NOP14: variants seen among roughly 807,000 people sequenced by gnomAD.
NOP14 encodes the protein NOP14 nucleolar protein, also known as nucleolar protein 14.
A neutral mutation model predicts 101.6 loss-of-function variants in NOP14; 57 were observed. That is an observed-to-expected ratio of 0.56 (90% CI 0.45 to 0.70). The LOEUF (loss-of-function observed/expected upper bound fraction) is 0.70, where lower values mean the gene tolerates loss of function less well. Ranked by LOEUF, NOP14 falls within the 30% of genes least tolerant of loss-of-function variation. The pLI, the probability that NOP14 is intolerant of heterozygous loss-of-function variation, is 0.00. For synonymous variants in NOP14, 428 were observed against 424.0 expected (o/e 1.01, Z -0.12); for missense variants, 1,134 against 1,075.5 (o/e 1.05, Z -0.76).
Position 2,963,255 on chromosome 4 carries a change from C to T in NOP14, c.65G>A (p.Gly22Glu). Residue 22 changes from glycine to glutamate, a missense_variant, in exon 1 of 18, where the codon GGG becomes GAG. By Grantham distance (98) the Gly-to-Glu change is moderately conservative. Transcript: ENST00000416614. ...KASGAPAGAR[G>E]GPAKANSNPF... ...ATTGGAGTTGGCCTTCGCCGGGCCC[C>T]CTCGCGCTCCCGCCGGCGCCCCGGA... The T allele has an allele frequency of 6.3e-7, 1 of 1,591,614 alleles. No individual in the cohort carries two copies.
At chr4:2,942,143 C>G (rs991518719) in intron 14 of NOP14, 49 bp downstream of exon 14, 6 of 1,567,392 alleles carry the variant, frequency 3.8e-6, no homozygotes, top group African/African-American at 1.4e-5. Context: ...TCTCCTGCCT[C>G]TGGGGACGCT....
In NOP14 at chr4:2,938,290, G is replaced by A; in HGVS notation, c.*541C>T. Reference sequence around the variant, plus strand: ...TCACACCTATAATTGGGGGGCCAAGGCAGGTGGATTACCTGAGGTCGGGAA... The same window carrying A: ...TCACACCTATAATTGGGGGGCCAAGACAGGTGGATTACCTGAGGTCGGGAA... On this transcript the variant is annotated 3_prime_UTR_variant, in exon 18 of 18. Coordinates refer to ENST00000416614, the MANE Select transcript of NOP14 (RefSeq NM_001291978.2). 1 of 1,155,644 alleles carries A rather than the reference G, an allele frequency of 8.7e-7. No homozygotes were observed. The highest frequency in any genetic ancestry group is 1.2e-6 in the Non-Finnish European group (1 of 867,360). 71.6% of individuals were successfully genotyped at this position (1,155,644 alleles called of 1,614,324 possible). A position where few individuals can be genotyped will look rare whatever the true frequency, so the allele number is the denominator to read the frequency against.
At position 2,942,334 on chromosome 4, in the gene NOP14, G is replaced by C; in HGVS notation, c.1909C>G (p.Pro637Ala). ...KASQGSTLVH[P>A]FRALGKNSEL... ...GAGTTCTTCCCAAGCGCTCTGAAAG[G>C]GTGCACCAGAGTGGAACCTGAATTC... Residue 637 changes from proline to alanine, a missense_variant, in exon 14 of 18, where the codon CCT (proline) becomes GCT (alanine). Physicochemically the swap from Pro to Ala is conservative, Grantham distance 27. Transcript: ENST00000416614. The C allele has an allele frequency of 2.5e-6, 4 of 1,613,746 alleles. No homozygotes were observed. The highest frequency in any genetic ancestry group is 1.7e-6 in the Non-Finnish European group (2 of 1,179,732).
rs1203197541 is a variant in NOP14 at position 2,942,411 on chromosome 4, T to C, written c.1892-60A>G. ...GAACATTACTGGGCTCCCAGCAGGC[T>C]CTGCGGCACCGAGCCTGTGGAAGTT... is the stretch of plus-strand genomic sequence containing the variant. On this transcript the variant is annotated intron_variant, in intron 13 of 17. Transcript: ENST00000416614. 4.5e-6 allele frequency: 7 copies of C among 1,539,376 alleles called. No individual in the cohort carries two copies. The East Asian group carries it at 1.4e-4, about 30-fold the overall frequency.
chr4:2,950,231 A>T lies in NOP14; in HGVS notation c.1003-18T>A, dbSNP rs377275947. ...TTTCCATCCTACCAAGAGCGTGGAA[A>T]CCACAGGGCATGAGGACAGGCGGAG... is the stretch of plus-strand genomic sequence containing the variant. On this transcript the variant is annotated intron_variant, in intron 7 of 17. Transcript: ENST00000416614. 6.2e-7 allele frequency: 1 copy of T among 1,611,630 alleles called. No individual in the cohort carries two copies.
At chr4:2,943,919 C>T (rs548240564) in intron 13 of NOP14, among the ~76,000 whole-genome samples, 154 bp downstream of exon 13, 65 of 152,374 alleles carry the variant, frequency 4.3e-4, no homozygotes, top group African/African-American at 1.3e-3. Flanking sequence ...GGCGCGTGCA[C>T]ACGCTCACAC....
At chr4:2,940,261 T>C (rs2032463) in intron 15 of NOP14, 73,990 of 153,494 alleles carry the variant, frequency 0.48, 19,228 homozygotes, top group African/African-American at 0.68. Flanking sequence ...TCCCGAAAGG[T>C]AGTTCACTGA....
chr4:2,950,914 G>C lies in NOP14; in HGVS notation c.1002+200C>G, dbSNP rs1714986949. The C allele has an allele frequency of 9.4e-6, 5 of 530,912 alleles. No individual in the cohort carries two copies. The East Asian group carries it at 1.6e-4, about 17-fold the overall frequency. 32.9% of individuals were successfully genotyped at this position (530,912 alleles called of 1,614,324 possible). A position where few individuals can be genotyped will look rare whatever the true frequency, so the allele number is the denominator to read the frequency against. On this transcript the variant is annotated intron_variant, in intron 7 of 17. Transcript: ENST00000416614. ...TGAGAAAGAGAGCGTGAGCAAGTGA[G>C]TGCACATACTATTGTTAAAGTCTTC...
chr4:2,938,216 T>C lies in NOP14; in HGVS notation c.*615A>G, dbSNP rs895813167. The stretch of plus-strand genomic sequence containing the variant: ...GGAGGTTGGAATCACACCAACATTA[T>C]AGCATTATTACTCTAAAAAAAATTA... On this transcript the variant is annotated 3_prime_UTR_variant, in exon 18 of 18. Coordinates refer to ENST00000416614, the MANE Select transcript of NOP14 (RefSeq NM_001291978.2). 2 of 1,289,214 alleles carry C rather than the reference T, an allele frequency of 1.6e-6. No homozygotes were observed. The highest frequency in any genetic ancestry group is 1.2e-5 in the South Asian group (1 of 80,976). The allele number at this position is 1,289,214 out of a possible 1,614,324, so 79.9% of individuals were successfully genotyped here.
chr4:2,958,022 G>T (rs931160221), intron 1 of NOP14, among the ~76,000 whole-genome samples: 3 of 152,168 alleles, frequency 2.0e-5, no homozygotes, highest in Non-Finnish European at 2.9e-5. Context: ...CAAGCTCAAG[G>T]CATGAATGGC....
chr4:2,942,276 A>ACATCCTCT lies in NOP14; in HGVS notation c.1959_1966dup (p.Val656GlufsTer20), dbSNP rs759333863. On this transcript the variant is annotated frameshift_variant, in exon 14 of 18. Coordinates refer to ENST00000416614, the MANE Select transcript of NOP14 (RefSeq NM_001291978.2). LOFTEE classifies it high-confidence loss of function. ...GAGGCTGCTCTGCTGCCACGTGGCC[A>ACATCCTCT]CATCCTCTCTAGCAGACACCACGAG... The ACATCCTCT allele has an allele frequency of 1.9e-6, 3 of 1,614,140 alleles. No homozygotes were observed. The highest frequency in any genetic ancestry group is 2.5e-6 in the Non-Finnish European group (3 of 1,180,012).
chr4:2,938,655 G>A lies in NOP14; in HGVS notation c.*176C>T, dbSNP rs921520230. The A allele has an allele frequency of 1.0e-5, 6 of 592,212 alleles. No individual in the cohort carries two copies. The highest frequency in any genetic ancestry group is 2.1e-5 in the South Asian group (1 of 48,182). The allele number at this position is 592,212 out of a possible 1,614,324, so 36.7% of individuals were successfully genotyped here. A position where few individuals can be genotyped will look rare whatever the true frequency, so the allele number is the denominator to read the frequency against. ...CGAGTAGTTGGGACTACAGGTGCGT[G>A]CCACCACACTTGGCTAATTTTTATG... On this transcript the variant is annotated 3_prime_UTR_variant, in exon 18 of 18. Coordinates refer to ENST00000416614, the MANE Select transcript of NOP14 (RefSeq NM_001291978.2).
Position 2,957,729 on chromosome 4 carries a change from A to C in NOP14, c.207T>G (p.Thr69=). 2 of 1,613,916 alleles carry C rather than the reference A, an allele frequency of 1.2e-6. No homozygotes were observed. The highest frequency in any genetic ancestry group is 1.7e-6 in the Non-Finnish European group (2 of 1,179,930). Residue 69 remains threonine (T), a synonymous_variant, in exon 2 of 18, where the codon ACT becomes ACG. Coordinates refer to ENST00000416614, the MANE Select transcript of NOP14 (RefSeq NM_001291978.2). ...CCCTTTCTTTGTACTCTTTTAGTAAAGTCTGTGTACGCTGGAAAACAGGTC... is the reference window on the plus strand; with the variant it reads ...CCCTTTCTTTGTACTCTTTTAGTAACGTCTGTGTACGCTGGAAAACAGGTC... The part of the protein sequence containing the change: ...RARALRKRTQ[T]LLKEYKERDK...
chr4:2,951,286 C>T (rs373115239), intron 6 of NOP14, 41 bp from the exon 7 acceptor site: 89 of 1,603,024 alleles, frequency 5.6e-5, no homozygotes, highest in Non-Finnish European at 6.8e-5. Flanking sequence ...CACACTCTTC[C>T]AACATATGGT....
At chr4:2,963,069 A>C in intron 1 of NOP14, 56 bp downstream of exon 1, 3 of 1,435,194 alleles carry the variant, frequency 2.1e-6, no homozygotes, top group Non-Finnish European at 1.8e-6. Context: ...CAGCCGGCCG[A>C]GAGCAGCGTG....
intron 13 of NOP14, 138 bp from the exon 14 acceptor site, chr4:2,942,489 C>T: frequency 1.1e-6 from 1 of 931,474 alleles, no homozygotes; most frequent in South Asian, 1.8e-5. Flanking sequence ...GTGCCAGACA[C>T]TGAGGGTTTC....
At position 2,945,205 on chromosome 4, in the gene NOP14, G is replaced by C; in HGVS notation, c.1660C>G (p.Leu554Val). 2 of 1,578,458 alleles carry C rather than the reference G, an allele frequency of 1.3e-6. No homozygotes were observed. Among genetic ancestry groups the C allele is most frequent in the Non-Finnish European group, 8.6e-7 (1 of 1,161,250 alleles). Residue 554 changes from leucine to valine, a missense_variant, in exon 12 of 18, where the codon CTG becomes GTG. Physicochemically the swap from Leu to Val is conservative, Grantham distance 32. Transcript: ENST00000416614. ...DVLIYLKITG[L>V]LFPTSDFWHP... Reference sequence around the variant, plus strand: ...CAGAAGTCGGAAGTTGGAAATAGCAGCCCAGTGATTTTCAAATAAATGAGC... The same window carrying C: ...CAGAAGTCGGAAGTTGGAAATAGCACCCCAGTGATTTTCAAATAAATGAGC...
At chr4:2,961,143 A>T (rs1388564763) in intron 1 of NOP14, among the ~76,000 whole-genome samples, 1 of 43,192 alleles carries the variant, frequency 2.3e-5, no homozygotes, top group African/African-American at 1.5e-4. Flanking sequence ...ATATTAATAT[A>T]CTAATATAAT....
In NOP14 at chr4:2,945,200, TAGC is replaced by T. The variant is rs781468513; in HGVS notation, c.1662_1664del (p.Leu555del). The T allele has an allele frequency of 3.2e-6, 5 of 1,582,268 alleles. No homozygotes were observed. The highest frequency in any genetic ancestry group is 4.3e-6 in the Non-Finnish European group (5 of 1,163,424). On this transcript the variant is annotated inframe_deletion, in exon 12 of 18. Transcript: ENST00000416614. The stretch of plus-strand genomic sequence containing the variant: ...GGTGCCAGAAGTCGGAAGTTGGAAA[TAGC>T]AGCCCAGTGATTTTCAAATAAATGA...
Sources: allele counts gnomAD v4.1 joint callset (sites outside exome capture counted in the v4.1 genomes callset), GRCh38; gene constraint gnomAD v4.1.1; transcripts MANE v1.5; gene names NCBI Gene and HGNC (gene_info 2026-07-23, HGNC 2026-07-21).